Variants in SHPRH observed in about 807,000 individuals in gnomAD.
The protein encoded by SHPRH is SNF2 histone linker PHD RING helicase.
Under a neutral mutation model 202.5 loss-of-function variants are expected in SHPRH, and 106 were observed. That is an observed-to-expected ratio of 0.52 (90% CI 0.45 to 0.62). The LOEUF (loss-of-function observed/expected upper bound fraction) is 0.62, where lower values mean the gene tolerates loss of function less well. SHPRH is among the 20% of genes least tolerant of loss of function. SHPRH has a pLI of 0.00. For synonymous variants in SHPRH, 729 were observed against 686.0 expected (o/e 1.06, Z -0.98); for missense variants, 1,710 against 2,020.0 (o/e 0.85, Z 2.94).
chr6:145,933,437 A>G (rs1236014768), intron 13 of SHPRH, among the ~76,000 whole-genome samples: 1 of 152,236 alleles, frequency 6.6e-6, no homozygotes, highest in Non-Finnish European at 1.5e-5. Context: ...TACAAAGTAC[A>G]GCATGACATA....
intron 1 of SHPRH, among the ~76,000 whole-genome samples, chr6:145,960,645 T>C (rs1447275643): frequency 1.3e-5 from 2 of 152,206 alleles, no homozygotes; most frequent in African/African-American, 4.8e-5. Context: ...GGAATAGTTA[T>C]CCAGTCTTCT....
At chr6:145,932,999 A>T in intron 14 of SHPRH, 58 bp downstream of exon 14, 1 of 1,548,816 alleles carries the variant, frequency 6.5e-7, no homozygotes, top group Non-Finnish European at 8.8e-7. Context: ...TTTTTTCTAT[A>T]ATTAACCTTC....
chr6:145,916,236 CT>C (rs1460551397), intron 23 of SHPRH, among the ~76,000 whole-genome samples: 1 of 151,996 alleles, frequency 6.6e-6, no homozygotes, highest in Non-Finnish European at 1.5e-5. Flanking sequence ...CTTTTCCTTT[CT>C]TTCACATACA....
Position 145,890,575 on chromosome 6 carries a change from C to T in SHPRH, c.4875-2475G>A, listed in dbSNP as rs577509049. Among the ~76,000 whole-genome samples the T allele has an allele frequency of 8.5e-5, 13 of 152,280 alleles. No individual in the cohort carries two copies. In the East Asian group the frequency reaches 1.9e-3, roughly 23 times the overall value. On this transcript the variant is annotated intron_variant, in intron 28 of 29. Transcript: ENST00000275233. Reference sequence around the variant, plus strand: ...TTTGTTACCTTTGCTGCTTCCTTCTCCTCTCCTAGAACAGCTGAACTTTGG... The same window carrying T: ...TTTGTTACCTTTGCTGCTTCCTTCTTCTCTCCTAGAACAGCTGAACTTTGG...
chr6:145,862,028 G>C (rs1779596066), downstream of SHPRH, among the ~76,000 whole-genome samples: 1 of 152,138 alleles, frequency 6.6e-6, no homozygotes, highest in African/African-American at 2.4e-5. Flanking sequence ...GGTGATGTTG[G>C]TCAAAGGTTG....
chr6:145,912,213 T>C (rs1220844993), intron 24 of SHPRH, among the ~76,000 whole-genome samples: 1 of 151,952 alleles, frequency 6.6e-6, no homozygotes, highest in Non-Finnish European at 1.5e-5. Context: ...CTCTGATAGA[T>C]TCTAATTTAA....
intron 24 of SHPRH, among the ~76,000 whole-genome samples, chr6:145,911,808 A>C (rs1783523294): frequency 6.6e-6 from 1 of 152,088 alleles, no homozygotes; most frequent in Non-Finnish European, 1.5e-5. Context: ...TGAGGTATAT[A>C]AGCTTGGTTT....
intron 1 of SHPRH, among the ~76,000 whole-genome samples, chr6:145,956,516 A>G (rs1582835377): frequency 6.6e-6 from 1 of 152,112 alleles, no homozygotes; most frequent in Non-Finnish European, 1.5e-5. Flanking sequence ...AGCCAAAAGG[A>G]CTTATCACCT....
chr6:145,929,290 T>C (rs1266012147), intron 14 of SHPRH, among the ~76,000 whole-genome samples: 1 of 151,908 alleles, frequency 6.6e-6, no homozygotes, highest in Non-Finnish European at 1.5e-5. Flanking sequence ...TCAAGCTAAT[T>C]TTCTCCGAAA....
chr6:145,893,902 C>A (rs1418623633), intron 27 of SHPRH, among the ~76,000 whole-genome samples: 1 of 150,878 alleles, frequency 6.6e-6, no homozygotes, highest in Non-Finnish European at 1.5e-5. Flanking sequence ...CATAGGCAAT[C>A]TTTTCCTGTA....
At chr6:145,871,234 A>T (rs565228123) in intron 2 of SHPRH, 1 of 152,180 alleles carries the variant, frequency 6.6e-6, no homozygotes, top group Non-Finnish European at 1.5e-5. Flanking sequence ...AAAAATGAAG[A>T]GTATTTAAAT....
At chr6:145,890,826 A>C (rs1781507117) in intron 28 of SHPRH, among the ~76,000 whole-genome samples, 1 of 152,042 alleles carries the variant, frequency 6.6e-6, no homozygotes, top group South Asian at 2.1e-4. Flanking sequence ...CCAAGCCAAA[A>C]CCCATGGTGT....
Position 145,865,694 on chromosome 6 carries a change from T to C in SHPRH, c.222-1203A>G, listed in dbSNP as rs1406229787. Among the ~76,000 whole-genome samples, 3 of 152,180 alleles carry C rather than the reference T, an allele frequency of 2.0e-5. No homozygotes were observed. In the East Asian group the frequency reaches 5.8e-4, roughly 29 times the overall value. ...CGGGCTTCATTTCAGGAGCTGTGCC[T>C]CAGTATGGGCAGAGGCCCGGGCAAT... On this transcript the variant is annotated intron_variant, in intron 2 of 2. Transcript: ENST00000417762.
At chr6:145,920,895 A>G (rs1419473460) in intron 21 of SHPRH, among the ~76,000 whole-genome samples, 1 of 152,102 alleles carries the variant, frequency 6.6e-6, no homozygotes, top group Non-Finnish European at 1.5e-5. Flanking sequence ...TAATAATAGA[A>G]TGAACACACT....
intron 2 of SHPRH, among the ~76,000 whole-genome samples, chr6:145,873,700 GA>G (rs1261408847): frequency 1.2e-3 from 141 of 116,576 alleles, no homozygotes; most frequent in African/African-American, 4.6e-3. Flanking sequence ...CTAGAGGAAG[GA>G]AGGAAGGAAG....
intron 8 of SHPRH, 119 bp from the exon 9 acceptor site, chr6:145,943,921 C>T: frequency 1.0e-6 from 1 of 967,316 alleles, no homozygotes. Context: ...TACCCTTTTC[C>T]CTGAGGAGAA....
At chr6:145,953,686 T>C (rs6903606) in intron 2 of SHPRH, among the ~76,000 whole-genome samples, 6,050 of 152,228 alleles carry the variant, frequency 0.04, 396 homozygotes, top group African/African-American at 0.13. Context: ...TAAAAGCATA[T>C]TAACTTGCTT....
chr6:145,955,358 G>C lies in SHPRH; in HGVS notation c.-32-4C>G. ...TCTTGGCTGGTAACTGTGAACTCTA[G>C]AGGACAAATGAAACAACAGGAGGTA... is the stretch of plus-strand genomic sequence containing the variant. On this transcript the variant is annotated splice_polypyrimidine_tract_variant and splice_region_variant and intron_variant, in intron 1 of 29. Transcript: ENST00000275233. 1.3e-6 allele frequency: 2 copies of C among 1,555,334 alleles called. No homozygotes were observed. The highest frequency in any genetic ancestry group is 1.4e-5 in the African/African-American group (1 of 73,318).
At chr6:145,948,227 A>C in intron 5 of SHPRH, 45 bp downstream of exon 5, 1 of 1,392,350 alleles carries the variant, frequency 7.2e-7, no homozygotes, top group Non-Finnish European at 9.9e-7. Context: ...GTTTTTCATT[A>C]TATTTATTTT....
Sources: allele counts gnomAD v4.1 joint callset (sites outside exome capture counted in the v4.1 genomes callset), GRCh38; gene constraint gnomAD v4.1.1; transcripts MANE v1.5; gene names NCBI Gene and HGNC (gene_info 2026-07-23, HGNC 2026-07-21).